The following RABGAP1 variants were observed in gnomAD, a reference collection of about 807,000 sequenced individuals.
RABGAP1 encodes the protein rab GTPase-activating protein 1.
A neutral mutation model predicts 137.6 loss-of-function variants in RABGAP1; 23 were observed. The observed-to-expected ratio is 0.17, with a 90% CI of 0.12 to 0.24. The LOEUF (loss-of-function observed/expected upper bound fraction) is 0.24. Among genes scored for constraint, RABGAP1 ranks in the 10% least tolerant of loss-of-function variants. The probability of loss-of-function intolerance (pLI) is 1.00; values close to 1 mark genes in which losing one functional copy is unlikely to be tolerated. For missense variants in RABGAP1, 906 were observed against 1,275.8 expected, an observed-to-expected ratio of 0.71 and a Z score of 4.42; for synonymous variants, 451 against 450.7, an observed-to-expected ratio of 1.00 and a Z score of -0.01.
At chr9:122,946,805 C>T (rs560133326) in intron 1 of RABGAP1, among the ~76,000 whole-genome samples, 2 of 152,250 alleles carry the variant, frequency 1.3e-5, no homozygotes, top group Non-Finnish European at 2.9e-5. Flanking sequence ...CAGGTGTCAG[C>T]ATTATCACAC....
At chr9:123,017,169 A>G (rs2031293647) in intron 12 of RABGAP1, among the ~76,000 whole-genome samples, 1 of 152,222 alleles carries the variant, frequency 6.6e-6, no homozygotes, top group Admixed American at 6.5e-5. Context: ...TTATCTGTAT[A>G]AAAAGGTTTC....
intron 13 of RABGAP1, among the ~76,000 whole-genome samples, chr9:123,059,570 TA>T (rs900526274): frequency 7.2e-5 from 11 of 151,744 alleles, no homozygotes; most frequent in African/African-American, 2.4e-4. Context: ...AAATAAAAAT[TA>T]AAAAACAAAA....
At chr9:123,035,226 G>A in intron 13 of RABGAP1, 1 of 1,614,142 alleles carries the variant, frequency 6.2e-7, no homozygotes, top group Non-Finnish European at 8.5e-7. Flanking sequence ...TCTGCCAACA[G>A]CACACAAAGG....
At chr9:123,052,662 G>A (rs1351548573) in intron 13 of RABGAP1, among the ~76,000 whole-genome samples, 1 of 152,190 alleles carries the variant, frequency 6.6e-6, no homozygotes, top group Non-Finnish European at 1.5e-5. Flanking sequence ...GGGTGCGGTG[G>A]CCCACGCCTG....
chr9:122,975,475 A>G (rs1835717166), intron 2 of RABGAP1, among the ~76,000 whole-genome samples: 1 of 152,224 alleles, frequency 6.6e-6, no homozygotes, highest in South Asian at 2.1e-4. Flanking sequence ...TCTACCGTAT[A>G]AGATATTGCC....
At chr9:123,021,249 A>G (rs540111871) in intron 13 of RABGAP1, among the ~76,000 whole-genome samples, 3 of 151,928 alleles carry the variant, frequency 2.0e-5, no homozygotes, top group African/African-American at 7.2e-5. Context: ...AAAAAGTTAA[A>G]ACCTTATAAA....
chr9:123,073,476 C>T, intron 15 of RABGAP1, 76 bp from the exon 16 acceptor site: 1 of 1,520,410 alleles, frequency 6.6e-7, no homozygotes, highest in South Asian at 1.2e-5. Context: ...GATTTAATAT[C>T]CTGAGAAAAC....
At chr9:123,002,671 G>T (rs1837387257) in intron 10 of RABGAP1, among the ~76,000 whole-genome samples, 1 of 149,250 alleles carries the variant, frequency 6.7e-6, no homozygotes, top group Non-Finnish European at 1.5e-5. Context: ...ACCATAATCA[G>T]AGCTACATGT....
At chr9:122,991,635 C>T (rs186141013) in intron 6 of RABGAP1, among the ~76,000 whole-genome samples, 8 of 148,882 alleles carry the variant, frequency 5.4e-5, no homozygotes, top group East Asian at 1.9e-4. Flanking sequence ...ATACGCCTCA[C>T]GCTGTTGCTC....
chr9:123,022,825 A>G (rs1404504993), intron 13 of RABGAP1, among the ~76,000 whole-genome samples: 1 of 152,168 alleles, frequency 6.6e-6, no homozygotes, highest in African/African-American at 2.4e-5. Flanking sequence ...AGCTAACGTA[A>G]GTTGGTATTG....
intron 19 of RABGAP1, among the ~76,000 whole-genome samples, chr9:123,083,197 T>C (rs1003733481): frequency 6.6e-6 from 1 of 152,222 alleles, no homozygotes; most frequent in Non-Finnish European, 1.5e-5. Context: ...GCATTCTGCT[T>C]TACTGTAAAT....
At chr9:122,995,145 T>C (rs1836949538) in intron 6 of RABGAP1, among the ~76,000 whole-genome samples, 1 of 152,156 alleles carries the variant, frequency 6.6e-6, no homozygotes, top group Non-Finnish European at 1.5e-5. Flanking sequence ...TATTTTTACC[T>C]TTTTAATTAA....
chr9:123,033,656 CG>C (rs773808928), intron 13 of RABGAP1: 1 of 151,982 alleles, frequency 6.6e-6, no homozygotes, highest in African/African-American at 2.4e-5. Context: ...CTGCAGTACG[CG>C]GGTTGAAGCA....
In RABGAP1 at chr9:122,990,042, A is replaced by G; in HGVS notation, c.766-14A>G. 2 of 1,577,162 alleles carry G rather than the reference A, an allele frequency of 1.3e-6. No homozygotes were observed. Among genetic ancestry groups the G allele is most frequent in the Non-Finnish European group, 1.7e-6 (2 of 1,155,236 alleles). On this transcript the variant is annotated splice_polypyrimidine_tract_variant and intron_variant, in intron 5 of 25. Coordinates refer to ENST00000373647, the MANE Select transcript of RABGAP1 (RefSeq NM_012197.4). ...TTTTGATAACAGCCCATTTCCTAAC[A>G]TGTCTGGTTGTAGGTAAGCCGGATA...
intron 13 of RABGAP1, among the ~76,000 whole-genome samples, chr9:123,046,482 C>G (rs1016411580): frequency 2.0e-5 from 3 of 152,124 alleles, no homozygotes; most frequent in Admixed American, 6.5e-5. Flanking sequence ...GCAGACAGAC[C>G]TGGGTTTGAA....
chr9:122,944,552 A>G (rs1186595478), intron 1 of RABGAP1, among the ~76,000 whole-genome samples: 7 of 149,140 alleles, frequency 4.7e-5, no homozygotes, highest in Admixed American at 2.0e-4. Context: ...TTTGAAACGG[A>G]GTCTCACTCT....
chr9:123,068,348 CA>C (rs998962006), intron 14 of RABGAP1, among the ~76,000 whole-genome samples: 11,618 of 66,454 alleles, frequency 0.17, 1,367 homozygotes, highest in African/African-American at 0.4. Flanking sequence ...GACTCCATCT[CA>C]AAAAAAAAAA....
intron 13 of RABGAP1, among the ~76,000 whole-genome samples, chr9:123,057,019 G>A (rs2033733435): frequency 6.6e-6 from 1 of 152,192 alleles, no homozygotes; most frequent in Admixed American, 6.5e-5. Flanking sequence ...TGGTGGCCGG[G>A]CAGAGGGGCT....
At chr9:123,057,861 G>A (rs568367960) in intron 13 of RABGAP1, among the ~76,000 whole-genome samples, 27 of 152,312 alleles carry the variant, frequency 1.8e-4, no homozygotes, top group African/African-American at 5.8e-4. Flanking sequence ...GACCAGCCCC[G>A]CCAACACAGC....
Sources: allele counts gnomAD v4.1 joint callset (sites outside exome capture counted in the v4.1 genomes callset), GRCh38; gene constraint gnomAD v4.1.1; transcripts MANE v1.5; gene names NCBI Gene and HGNC (gene_info 2026-07-23, HGNC 2026-07-21).